ANO1: variants seen among roughly 807,000 people sequenced by gnomAD.
ANO1 encodes anoctamin-1.
A neutral mutation model predicts 124.0 loss-of-function variants in ANO1; 59 were observed. That is an observed-to-expected ratio of 0.48 (90% CI 0.39 to 0.59). The LOEUF (loss-of-function observed/expected upper bound fraction) is 0.59. Among genes scored for constraint, ANO1 ranks in the 20% least tolerant of loss-of-function variants. The pLI is 0.00. For synonymous variants in ANO1, 529 were observed against 532.0 expected (o/e 0.99, Z 0.08); for missense variants, 1,059 against 1,328.0 (o/e 0.80, Z 3.15).
rs72931799 is a variant in ANO1, at chr11:69,988,832, T to C, written c.58+2666T>C. On this transcript the variant is annotated intron_variant, in intron 1 of 27. Transcript: ENST00000531349. ...TGCACAACCCTCAAAACTCAGCTGG[T>C]ATATCCCCTTCTCTTGGAAATCAAC... Among the ~76,000 whole-genome samples the C allele has an allele frequency of 5.0e-4, 76 of 152,096 alleles. No homozygotes were observed. The East Asian group carries it at 9.7e-3, about 19-fold the overall frequency.
At chr11:70,112,436 G>A (rs1452980422) in intron 7 of ANO1, among the ~76,000 whole-genome samples, 1 of 152,148 alleles carries the variant, frequency 6.6e-6, no homozygotes, top group Non-Finnish European at 1.5e-5. Context: ...TTCCAGTCCC[G>A]GCCACTTACC....
intron 22 of ANO1, among the ~76,000 whole-genome samples, chr11:70,176,549 G>A (rs2135802554): frequency 6.6e-6 from 1 of 152,304 alleles, no homozygotes; most frequent in East Asian, 1.9e-4. Flanking sequence ...TTATTGTGCA[G>A]ATGAAGCCTC....
upstream of ANO1, among the ~76,000 whole-genome samples, chr11:70,074,605 C>G (rs1172698996): frequency 1.3e-5 from 2 of 152,234 alleles, no homozygotes; most frequent in African/African-American, 4.8e-5. Context: ...CTGGCCCCCC[C>G]AGGTCCAGTT....
Position 70,188,270 on chromosome 11 carries a change from G to A in ANO1, c.*266G>A. 1.9e-6 allele frequency: 1 copy of A among 522,462 alleles called. No individual in the cohort carries two copies. Among genetic ancestry groups the A allele is most frequent in the Non-Finnish European group, 3.4e-6 (1 of 295,674 alleles). The allele number at this position is 522,462 out of a possible 1,614,324, so 32.4% of individuals were successfully genotyped here. On this transcript the variant is annotated 3_prime_UTR_variant, in exon 26 of 26. Coordinates refer to ENST00000355303, the MANE Select transcript of ANO1 (RefSeq NM_018043.7). ...TGATGGCTGGTAATACGGCAATAAGGTAGCAAAGGCAGGTGCTTTGCAGAA... is the reference window on the plus strand; with the variant it reads ...TGATGGCTGGTAATACGGCAATAAGATAGCAAAGGCAGGTGCTTTGCAGAA...
intron 10 of ANO1, among the ~76,000 whole-genome samples, chr11:70,127,663 T>C (rs1278647659): frequency 2.6e-5 from 4 of 151,746 alleles, no homozygotes; most frequent in Admixed American, 2.6e-4. Context: ...ACCACTGCAC[T>C]CCAGCCTGGG....
At chr11:70,137,747 T>C (rs953359780) in intron 11 of ANO1, among the ~76,000 whole-genome samples, 2 of 146,926 alleles carry the variant, frequency 1.4e-5, no homozygotes, top group African/African-American at 2.4e-5. Flanking sequence ...CTGCCAGCCC[T>C]GTGACCTGAG....
rs374894320 is a variant in ANO1, at chr11:70,010,305, G to A, written c.58+24139G>A. Among the ~76,000 whole-genome samples the A allele has an allele frequency of 1.4e-4, 21 of 151,202 alleles. 1 individual carries two copies. Among genetic ancestry groups the A allele is most frequent in the East Asian group, 1.2e-3 (6 of 5,130 alleles). On this transcript the variant is annotated intron_variant, in intron 1 of 27. Transcript: ENST00000531349. The stretch of plus-strand genomic sequence containing the variant: ...CACACATGGAAACATATAAACACAG[G>A]TGTGCAAGTGCCTTTTTCACATAAT...
chr11:70,098,680 C>G (rs1453656357), intron 2 of ANO1, among the ~76,000 whole-genome samples: 1 of 152,160 alleles, frequency 6.6e-6, no homozygotes, highest in African/African-American at 2.4e-5. Flanking sequence ...TGCAAACCTT[C>G]AAATCTTCTA....
At chr11:70,004,835 G>C (rs1041651459) in intron 1 of ANO1, among the ~76,000 whole-genome samples, 1 of 152,122 alleles carries the variant, frequency 6.6e-6, no homozygotes, top group Non-Finnish European at 1.5e-5. Flanking sequence ...GACAGAGGCC[G>C]GGCGCTGTGG....
At chr11:70,161,983 G>A (rs964014289) in intron 18 of ANO1, among the ~76,000 whole-genome samples, 4 of 151,618 alleles carry the variant, frequency 2.6e-5, no homozygotes, top group Non-Finnish European at 4.4e-5. Context: ...ACCGGGGAGT[G>A]AGGACCCGGG....
intron 8 of ANO1, among the ~76,000 whole-genome samples, chr11:70,123,509 G>A (rs1457202240): frequency 6.6e-6 from 1 of 152,134 alleles, no homozygotes; most frequent in South Asian, 2.1e-4. Context: ...GGGTTCCCTC[G>A]TCCCCCAGCC....
At chr11:70,173,209 G>A (rs372058307) in intron 22 of ANO1, among the ~76,000 whole-genome samples, 49 of 152,236 alleles carry the variant, frequency 3.2e-4, no homozygotes, top group African/African-American at 1.1e-3. Flanking sequence ...TGATTCACCC[G>A]GCAGCTTCAC....
intron 1 of ANO1, among the ~76,000 whole-genome samples, chr11:70,071,022 A>T (rs566733963): frequency 9.8e-5 from 15 of 152,296 alleles, no homozygotes; most frequent in African/African-American, 3.1e-4. Context: ...TGGGAGTACT[A>T]CATGGTAGGA....
Position 70,187,933 on chromosome 11 carries a change from A to C in ANO1, c.2890A>C (p.Asn964His). ...QKDEPPCNHH[N>H]TKACPDSLGS... ...GGACGAGCCGCCGTGCAACCACCAC[A>C]ACACCAAAGCCTGCCCAGACAGCCT... Residue 964 changes from asparagine (N) to histidine (H), a missense_variant, in exon 26 of 26, where the codon AAC becomes CAC. By Grantham distance (68) the Asn-to-His change is moderately conservative. This residue lies in a region of ANO1 where 809 missense variants were observed against 1,094.9 expected (regional missense o/e 0.74). Coordinates refer to ENST00000355303, the MANE Select transcript of ANO1 (RefSeq NM_018043.7). 1 of 1,584,064 alleles carries C rather than the reference A, an allele frequency of 6.3e-7. No homozygotes were observed. The highest frequency in any genetic ancestry group is 8.6e-7 in the Non-Finnish European group (1 of 1,166,120).
At chr11:70,066,896 G>A (rs1857739125) in intron 1 of ANO1, among the ~76,000 whole-genome samples, 1 of 152,118 alleles carries the variant, frequency 6.6e-6, no homozygotes, top group Non-Finnish European at 1.5e-5. Flanking sequence ...GTCCAGCCAA[G>A]GAAGTGCCTG....
chr11:70,005,045 G>A (rs35446017), intron 1 of ANO1, among the ~76,000 whole-genome samples: 35,807 of 150,954 alleles, frequency 0.24, 4,416 homozygotes, highest in African/African-American at 0.29. Context: ...CCTGGGAGGC[G>A]CAGGCTGCAG....
At chr11:70,182,809 G>C in intron 24 of ANO1, 123 bp downstream of exon 24, 3 of 916,480 alleles carry the variant, frequency 3.3e-6, no homozygotes, top group Non-Finnish European at 1.5e-6. Flanking sequence ...TTAAAAAGAA[G>C]AAGAAGGAAA....
intron 2 of ANO1, among the ~76,000 whole-genome samples, chr11:70,092,125 C>T (rs1232711353): frequency 1.3e-5 from 2 of 152,128 alleles, no homozygotes; most frequent in East Asian, 1.9e-4. Flanking sequence ...GGCTAGTGGC[C>T]GCATCACTCT....
chr11:69,992,658 C>T (rs528917006), intron 1 of ANO1, among the ~76,000 whole-genome samples: 1 of 152,196 alleles, frequency 6.6e-6, no homozygotes, highest in South Asian at 2.1e-4. Context: ...GCTGCTGCCT[C>T]CCTAGCTCTC....
Sources: allele counts gnomAD v4.1 joint callset (sites outside exome capture counted in the v4.1 genomes callset), GRCh38; gene constraint gnomAD v4.1.1; regional missense constraint gnomAD v4.1.1; transcripts MANE v1.5; gene names NCBI Gene and HGNC (gene_info 2026-07-23, HGNC 2026-07-21).